The following SDF4 variants were observed in gnomAD, a reference collection of about 807,000 sequenced individuals.
SDF4 encodes the protein 45 kDa calcium-binding protein.
SDF4 carries 22 observed loss-of-function variants against 34.2 expected under a neutral mutation model. The observed-to-expected ratio is 0.64, with a 90% CI of 0.46 to 0.92. SDF4 has a LOEUF of 0.92. Ranked by LOEUF, SDF4 falls within the 40% of genes least tolerant of loss-of-function variation. The pLI, the probability that SDF4 is intolerant of heterozygous loss-of-function variation, is 0.00. For synonymous variants in SDF4, 236 were observed against 203.1 expected (o/e 1.16, Z -1.38); for missense variants, 447 against 499.9 (o/e 0.89, Z 1.01).
At chr1:1,219,313 G>A (rs1649762256) in intron 4 of SDF4, 2 of 1,148,952 alleles carry the variant, frequency 1.7e-6, no homozygotes, top group Non-Finnish European at 2.2e-6. Context: ...GACCTCTCAA[G>A]ACATGATCCA....
intron 1 of SDF4, among the ~76,000 whole-genome samples, chr1:1,230,344 C>T (rs1345446525): frequency 6.6e-6 from 1 of 152,210 alleles, no homozygotes; most frequent in East Asian, 1.9e-4. Flanking sequence ...TATCGAGAAA[C>T]ACCAGTGGGG....
chr1:1,219,879 A>G (rs1649815150), intron 4 of SDF4: 1 of 985,728 alleles, frequency 1.0e-6, no homozygotes, highest in Middle Eastern at 5.2e-4. Flanking sequence ...CGTCGCGCTC[A>G]CTGCGGGATG....
intron 4 of SDF4, chr1:1,219,384 C>A (rs2100968518): frequency 9.6e-7 from 1 of 1,046,062 alleles, no homozygotes; most frequent in Admixed American, 5.0e-5. Flanking sequence ...TGCCTGGGAC[C>A]CCTCAGGATG....
chr1:1,220,625 C>T (rs1016766859), intron 4 of SDF4: 1 of 1,289,098 alleles, frequency 7.8e-7, no homozygotes, highest in Non-Finnish European at 1.0e-6. Flanking sequence ...TGCATGGGGA[C>T]CCCCAAAACG....
intron 3 of SDF4, 24 bp from the exon 4 acceptor site, chr1:1,223,381 C>G: frequency 6.6e-7 from 1 of 1,506,306 alleles, no homozygotes; most frequent in Non-Finnish European, 9.2e-7. Context: ...TCACACCTGT[C>G]AGGGCCTCTG....
At chr1:1,219,032 C>T (rs760887634) in intron 4 of SDF4, 105 bp from the exon 5 acceptor site, 17 of 1,605,590 alleles carry the variant, frequency 1.1e-5, no homozygotes, top group African/African-American at 4.0e-5. Flanking sequence ...CAGCCACCCG[C>T]GAGACCGGGG....
At chr1:1,229,175 C>T (rs188880336) in intron 1 of SDF4, among the ~76,000 whole-genome samples, 2 of 151,992 alleles carry the variant, frequency 1.3e-5, no homozygotes, top group African/African-American at 2.4e-5. Flanking sequence ...TTGTTTTCTC[C>T]GGACCACACG....
intron 4 of SDF4, chr1:1,220,963 C>G (rs1009482530): frequency 1.1e-5 from 4 of 362,734 alleles, no homozygotes; most frequent in African/African-American, 8.5e-5. Context: ...GAAGTAATAA[C>G]GTCCAATTTG....
intron 4 of SDF4, chr1:1,221,355 T>C (rs79361728): frequency 0.11 from 16,450 of 154,414 alleles, 970 homozygotes; most frequent in East Asian, 0.17. Flanking sequence ...ATCCAAGAGT[T>C]TGAGACCTAC....
chr1:1,231,692 G>A (rs921267457), intron 1 of SDF4, among the ~76,000 whole-genome samples, 200 bp downstream of exon 1: 6 of 151,818 alleles, frequency 4.0e-5, no homozygotes, highest in Non-Finnish European at 7.4e-5. Flanking sequence ...GGAGGCCAGC[G>A]TCGTCGGCCT....
At chr1:1,230,758 T>C (rs993855636) in intron 1 of SDF4, among the ~76,000 whole-genome samples, 1 of 152,236 alleles carries the variant, frequency 6.6e-6, no homozygotes, top group African/African-American at 2.4e-5. Flanking sequence ...GCACCCGGCC[T>C]GATTTTCTGA....
chr1:1,229,765 G>A (rs1638434642), intron 1 of SDF4, among the ~76,000 whole-genome samples: 1 of 152,156 alleles, frequency 6.6e-6, no homozygotes, highest in South Asian at 2.1e-4. Flanking sequence ...CCCGGCCTCA[G>A]CTTCTCACTA....
rs1167526854 is a variant in SDF4 at position 1,228,843 on chromosome 1, G to A, written c.-71C>T. The A allele has an allele frequency of 7.1e-7, 1 of 1,407,030 alleles. No homozygotes were observed. Among genetic ancestry groups the A allele is most frequent in the South Asian group, 1.3e-5 (1 of 77,640 alleles). 87.2% of individuals were successfully genotyped at this position (1,407,030 alleles called of 1,614,324 possible). ...AGGTGCTGGGAGGGGCAGGGGCAGG[G>A]GCAGAGGAGGAAGTGAGGTCCTGGC... On this transcript the variant is annotated 5_prime_UTR_variant, in exon 2 of 7. Coordinates refer to ENST00000360001, the MANE Select transcript of SDF4 (RefSeq NM_016176.6).
At chr1:1,224,077 C>T in intron 2 of SDF4, 109 bp from the exon 3 acceptor site, 1 of 1,534,178 alleles carries the variant, frequency 6.5e-7, no homozygotes, top group Non-Finnish European at 8.8e-7. Flanking sequence ...AACCTGCCAC[C>T]AACAGCGACA....
At chr1:1,219,090 A>G in intron 4 of SDF4, 163 bp from the exon 5 acceptor site, 1 of 1,541,542 alleles carries the variant, frequency 6.5e-7, no homozygotes, top group Non-Finnish European at 8.7e-7. Context: ...CCCAGCCCCT[A>G]AGACACAGCC....
At chr1:1,219,199 C>A in intron 4 of SDF4, 1 of 1,279,888 alleles carries the variant, frequency 7.8e-7, no homozygotes. Context: ...CCAAGACAGC[C>A]TGGACCCCCC....
intron 3 of SDF4, 22 bp downstream of exon 3, chr1:1,223,810 C>CCAA: frequency 9.5e-7 from 1 of 1,048,322 alleles, no homozygotes; most frequent in Non-Finnish European, 1.4e-6. Context: ...CCGCCCCACC[C>CCAA]ACCCCGGCCC....
At chr1:1,220,072 G>A (rs1332642989) in intron 4 of SDF4, 9 of 986,404 alleles carry the variant, frequency 9.1e-6, no homozygotes, top group African/African-American at 3.5e-5. Flanking sequence ...GAGAGGCACA[G>A]ACGCCCCAGA....
chr1:1,220,312 G>A lies in SDF4; in HGVS notation c.557-1385C>T, dbSNP rs1013186479. ...CCCAGAGAGAGGCAGCGATGGAGGC[G>A]GGGGAAGGGAGTGATGCCCGCCTGC... On this transcript the variant is annotated intron_variant, in intron 4 of 6. Coordinates refer to ENST00000360001, the MANE Select transcript of SDF4 (RefSeq NM_016176.6). 86 of 1,095,038 alleles carry A rather than the reference G, an allele frequency of 7.9e-5. 1 individual carries two copies. The highest frequency in any genetic ancestry group is 6.6e-4 in the African/African-American group (40 of 60,720). The allele number at this position is 1,095,038 out of a possible 1,614,324, so 67.8% of individuals were successfully genotyped here. A position where few individuals can be genotyped will look rare whatever the true frequency, so the allele number is the denominator to read the frequency against.
Sources: gnomAD v4.1 joint callset for allele counts (sites outside exome capture counted in the v4.1 genomes callset) on GRCh38, gnomAD v4.1.1 for gene constraint, MANE v1.5 for transcripts, NCBI Gene and HGNC (gene_info 2026-07-23, HGNC 2026-07-21) for gene names.